The following SQOR variants were observed in gnomAD, a reference collection of about 807,000 sequenced individuals.
SQOR encodes sulfide:quinone oxidoreductase, mitochondrial.
A neutral mutation model predicts 48.6 loss-of-function variants in SQOR; 39 were observed. The observed-to-expected ratio is 0.80, with a 90% CI of 0.62 to 1.05. The LOEUF is 1.05. Ranked by LOEUF, SQOR falls within the 50% of genes least tolerant of loss-of-function variation. The pLI is 0.00. For synonymous variants in SQOR, 220 were observed against 206.2 expected, an observed-to-expected ratio of 1.07 and a Z score of -0.57; for missense variants, 561 against 559.9, an observed-to-expected ratio of 1.00 and a Z score of -0.02.
intron 7 of SQOR, among the ~76,000 whole-genome samples, chr15:45,687,246 G>A (rs945749409): frequency 2.0e-5 from 3 of 151,930 alleles, no homozygotes; most frequent in Admixed American, 6.6e-5. Flanking sequence ...TGAGTAGCTG[G>A]GATTACAGGC....
intron 9 of SQOR, among the ~76,000 whole-genome samples, 162 bp from the exon 10 acceptor site, chr15:45,690,811 C>T (rs948339779): frequency 1.3e-5 from 2 of 152,200 alleles, no homozygotes; most frequent in African/African-American, 4.8e-5. Context: ...AGTAGGTTGT[C>T]CCCTCCTAGT....
chr15:45,667,282 A>G (rs1889849155), intron 3 of SQOR, among the ~76,000 whole-genome samples: 1 of 151,186 alleles, frequency 6.6e-6, no homozygotes, highest in African/African-American at 2.4e-5. Context: ...AGCTGGGACT[A>G]CAGGCACACA....
chr15:45,672,045 A>C (rs1889954737), intron 4 of SQOR, among the ~76,000 whole-genome samples: 1 of 152,214 alleles, frequency 6.6e-6, no homozygotes, highest in South Asian at 2.1e-4. Flanking sequence ...CTTGGTTACC[A>C]CTTTACGGCA....
At chr15:45,635,699 C>A (rs1283796894) in intron 1 of SQOR, among the ~76,000 whole-genome samples, 2 of 152,192 alleles carry the variant, frequency 1.3e-5, no homozygotes, top group Admixed American at 6.5e-5. Flanking sequence ...TATCAAAATT[C>A]CAACCTGGCT....
rs1889854740 is a variant in SQOR, at chr15:45,667,506, T to G, written c.406-2422T>G. 2.0e-5 allele frequency among the ~76,000 whole-genome samples: 3 copies of G among 152,304 alleles called. No individual in the cohort carries two copies. The South Asian group carries it at 6.2e-4, about 32-fold the overall frequency. On this transcript the variant is annotated intron_variant, in intron 3 of 9. Coordinates refer to ENST00000260324, the MANE Select transcript of SQOR (RefSeq NM_021199.4). ...TGCGTAACTGCTCAAAAGTCTTGTCTATAAGCTTTTGCTGTTCCTGGGGGT... is the reference window on the plus strand; with the variant it reads ...TGCGTAACTGCTCAAAAGTCTTGTCGATAAGCTTTTGCTGTTCCTGGGGGT...
chr15:45,631,175 A>AG (rs781744281), upstream of SQOR: 31 of 185,834 alleles, frequency 1.7e-4, no homozygotes, highest in African/African-American at 5.5e-4. Flanking sequence ...CCACCATGTA[A>AG]GAAGCGCCTT....
intron 1 of SQOR, among the ~76,000 whole-genome samples, chr15:45,650,975 G>C (rs943617473): frequency 2.4e-4 from 36 of 152,324 alleles, no homozygotes; most frequent in African/African-American, 8.4e-4. Flanking sequence ...TGCCAGAGCC[G>C]AGGCGGAGCT....
At chr15:45,673,085 C>A (rs1029857873) in intron 4 of SQOR, among the ~76,000 whole-genome samples, 1 of 152,200 alleles carries the variant, frequency 6.6e-6, no homozygotes, top group African/African-American at 2.4e-5. Context: ...GTAATTTACA[C>A]AGGGTCACAA....
At chr15:45,676,399 A>T (rs555797241) in intron 6 of SQOR, 89 bp downstream of exon 6, 12 of 1,303,322 alleles carry the variant, frequency 9.2e-6, no homozygotes, top group Non-Finnish European at 1.3e-5. Context: ...CCTATCTGCC[A>T]TCATTGTGTG....
At chr15:45,678,014 CTGTT>C (rs34295263) in intron 6 of SQOR, among the ~76,000 whole-genome samples, 31,949 of 152,038 alleles carry the variant, frequency 0.21, 3,983 homozygotes, top group Non-Finnish European at 0.29. Context: ...GCCTCAGGCT[CTGTT>C]TGTTAGACTG....
chr15:45,655,453 A>G (rs534456951), intron 1 of SQOR, among the ~76,000 whole-genome samples: 17 of 152,342 alleles, frequency 1.1e-4, no homozygotes, highest in Middle Eastern at 3.4e-3. Context: ...TTCCTTCCGT[A>G]TGAAACATCA....
intron 8 of SQOR, 80 bp from the exon 9 acceptor site, chr15:45,688,959 G>A: frequency 3.4e-6 from 4 of 1,168,486 alleles, no homozygotes; most frequent in Non-Finnish European, 4.8e-6. Flanking sequence ...AGCACTCACA[G>A]CAAATAATAA....
At chr15:45,664,423 C>T (rs1210410529) in intron 3 of SQOR, among the ~76,000 whole-genome samples, 1 of 152,108 alleles carries the variant, frequency 6.6e-6, no homozygotes, top group Non-Finnish European at 1.5e-5. Flanking sequence ...TAAATTTTCT[C>T]TAGGTATATG....
chr15:45,665,607 A>C (rs1889800082), intron 3 of SQOR, among the ~76,000 whole-genome samples: 1 of 149,076 alleles, frequency 6.7e-6, no homozygotes, highest in Non-Finnish European at 1.5e-5. Flanking sequence ...TTTTGGAGAC[A>C]GAGTCTCACT....
intron 1 of SQOR, among the ~76,000 whole-genome samples, chr15:45,655,715 A>G (rs1889591986): frequency 7.0e-6 from 1 of 143,558 alleles, no homozygotes; most frequent in Admixed American, 7.4e-5. Flanking sequence ...ACAGAGTCTC[A>G]CTCTGTTGCC....
chr15:45,647,088 A>C (rs898333602), intron 1 of SQOR, among the ~76,000 whole-genome samples: 2 of 152,054 alleles, frequency 1.3e-5, no homozygotes, highest in Non-Finnish European at 2.9e-5. Context: ...GTCTCTATTA[A>C]AAATATATAA....
chr15:45,677,016 G>A (rs1040651652), intron 6 of SQOR, among the ~76,000 whole-genome samples: 3 of 151,130 alleles, frequency 2.0e-5, no homozygotes, highest in African/African-American at 7.3e-5. Flanking sequence ...ACTCCAGCCT[G>A]GGTGACAGAG....
At chr15:45,644,366 A>C (rs971141722) in intron 1 of SQOR, among the ~76,000 whole-genome samples, 1 of 152,202 alleles carries the variant, frequency 6.6e-6, no homozygotes, top group East Asian at 1.9e-4. Flanking sequence ...GATTACAGGC[A>C]TGAGCCACCG....
intron 1 of SQOR, among the ~76,000 whole-genome samples, chr15:45,650,670 G>A (rs991520519): frequency 3.3e-5 from 5 of 151,684 alleles, no homozygotes; most frequent in Non-Finnish European, 5.9e-5. Context: ...TGATTGGTCT[G>A]TTTTTATAGA....
Sources: gnomAD v4.1 joint callset for allele counts (sites outside exome capture counted in the v4.1 genomes callset) on GRCh38, gnomAD v4.1.1 for gene constraint, MANE v1.5 for transcripts, NCBI Gene and HGNC (gene_info 2026-07-23, HGNC 2026-07-21) for gene names.